Variants in RAD51B observed in about 807,000 individuals in gnomAD.
The protein encoded by RAD51B is DNA repair protein RAD51 homolog 2.
A neutral mutation model predicts 42.2 loss-of-function variants in RAD51B; 38 were observed. The observed-to-expected ratio is 0.90, with a 90% CI of 0.70 to 1.18. The LOEUF (loss-of-function observed/expected upper bound fraction) is 1.18. Among genes scored for constraint, RAD51B ranks in the 50% most tolerant of loss-of-function variants. The pLI, the probability that RAD51B is intolerant of heterozygous loss-of-function variation, is 0.00. For synonymous variants in RAD51B, 154 were observed against 145.2 expected (o/e 1.06, Z -0.43); for missense variants, 373 against 400.7 (o/e 0.93, Z 0.59).
chr14:68,172,519 T>C (rs905071566), intron 7 of RAD51B, among the ~76,000 whole-genome samples: 3 of 152,188 alleles, frequency 2.0e-5, no homozygotes, highest in Non-Finnish European at 2.9e-5. Context: ...CTTGCCAAAC[T>C]CCTCCATAAA....
chr14:68,492,412 A>G (rs1566912204), intron 10 of RAD51B, among the ~76,000 whole-genome samples: 1 of 152,206 alleles, frequency 6.6e-6, no homozygotes, highest in African/African-American at 2.4e-5. Context: ...GAGCAGTGTC[A>G]GGTATATTAA....
intron 10 of RAD51B, among the ~76,000 whole-genome samples, chr14:68,507,538 C>A (rs561704952): frequency 2.1e-4 from 32 of 152,250 alleles, no homozygotes; most frequent in African/African-American, 6.3e-4. Flanking sequence ...TGATCACACA[C>A]CTGTAAGCGA....
At chr14:68,497,715 A>G (rs1884634052) in intron 10 of RAD51B, 1 of 250,118 alleles carries the variant, frequency 4.0e-6, no homozygotes, top group Non-Finnish European at 7.4e-6. Context: ...CTGGAAACCC[A>G]CCAATCTACT....
chr14:67,839,050 CATGAT>C (rs925326075), intron 4 of RAD51B, among the ~76,000 whole-genome samples: 1 of 152,030 alleles, frequency 6.6e-6, no homozygotes, highest in African/African-American at 2.4e-5. Flanking sequence ...TCAACTTGGT[CATGAT>C]ATATTATCTT....
chr14:68,641,302 C>T (rs1273152200), intron 10 of RAD51B, among the ~76,000 whole-genome samples: 1 of 152,144 alleles, frequency 6.6e-6, no homozygotes, highest in Admixed American at 6.5e-5. Flanking sequence ...TTTGTACTAA[C>T]TTTGTATCCT....
rs116600354 is a variant in RAD51B, at chr14:68,047,977, G to A, written c.756+160773G>A. Among the ~76,000 whole-genome samples, 786 of 152,182 alleles carry A rather than the reference G, an allele frequency of 5.2e-3. 7 individuals carry two copies. The highest frequency in any genetic ancestry group is 0.018 in the African/African-American group (732 of 41,512). Reference sequence around the variant, plus strand: ...AGTGTGTCAACAAGTTCTAAATTGTGGAAAAGTCTTATCAGAAGAAAGGCT... The same window carrying A: ...AGTGTGTCAACAAGTTCTAAATTGTAGAAAAGTCTTATCAGAAGAAAGGCT... On this transcript the variant is annotated intron_variant, in intron 7 of 10. Transcript: ENST00000471583.
intron 10 of RAD51B, among the ~76,000 whole-genome samples, chr14:68,650,274 G>A (rs536323364): frequency 6.6e-6 from 1 of 152,274 alleles, no homozygotes; most frequent in East Asian, 1.9e-4. Flanking sequence ...TCACAACCCA[G>A]TGACTGACTT....
intron 9 of RAD51B, among the ~76,000 whole-genome samples, chr14:68,422,916 G>C (rs1186460778): frequency 6.6e-6 from 1 of 152,054 alleles, no homozygotes; most frequent in African/African-American, 2.4e-5. Context: ...TCAGCCAGTG[G>C]CTCCTGGCAA....
At chr14:68,650,982 T>C in intron 11 of RAD51B, 1 of 584,572 alleles carries the variant, frequency 1.7e-6, no homozygotes, top group Non-Finnish European at 3.1e-6. Context: ...GAGATACAAA[T>C]GGCCACACAT....
chr14:67,882,190 C>G (rs1266431243), intron 5 of RAD51B, among the ~76,000 whole-genome samples: 1 of 152,090 alleles, frequency 6.6e-6, no homozygotes, highest in Non-Finnish European at 1.5e-5. Flanking sequence ...CCTGGTTGGT[C>G]TTAAACTTCT....
chr14:68,682,681 C>A (rs1893455861), intron 11 of RAD51B, among the ~76,000 whole-genome samples: 1 of 152,074 alleles, frequency 6.6e-6, no homozygotes, highest in African/African-American at 2.4e-5. Context: ...TCCTGCTCCC[C>A]TTCCCCCGCC....
chr14:67,857,639 A>G (rs1163905856), intron 4 of RAD51B, among the ~76,000 whole-genome samples: 1 of 152,244 alleles, frequency 6.6e-6, no homozygotes, highest in Non-Finnish European at 1.5e-5. Flanking sequence ...ATCTGAGAAC[A>G]TATCCAAAAC....
chr14:67,902,076 G>A lies in RAD51B; in HGVS notation c.756+14872G>A, dbSNP rs145608043. Among the ~76,000 whole-genome samples the A allele has an allele frequency of 8.3e-3, 1,258 of 152,092 alleles. 16 individuals are homozygous for A. The highest frequency in any genetic ancestry group is 0.028 in the African/African-American group (1,180 of 41,482). On this transcript the variant is annotated intron_variant, in intron 7 of 10. Transcript: ENST00000471583. ...TGAAATGAAAAATGAAAGAAAATAG[G>A]AGTTTAAGTACCATATGTGTTACAA... is the stretch of plus-strand genomic sequence containing the variant.
chr14:68,017,132 AC>A (rs1404985866), intron 7 of RAD51B, among the ~76,000 whole-genome samples: 1 of 152,128 alleles, frequency 6.6e-6, no homozygotes, highest in African/African-American at 2.4e-5. Flanking sequence ...TTGTCACAAA[AC>A]CAAATTCTAA....
intron 9 of RAD51B, among the ~76,000 whole-genome samples, chr14:68,416,139 C>T (rs976649505): frequency 6.6e-6 from 1 of 152,156 alleles, no homozygotes; most frequent in Non-Finnish European, 1.5e-5. Flanking sequence ...AATCTGTAGG[C>T]TTTTCTCAAA....
At chr14:68,440,700 C>T (rs943969700) in intron 9 of RAD51B, among the ~76,000 whole-genome samples, 23 of 151,648 alleles carry the variant, frequency 1.5e-4, no homozygotes, top group African/African-American at 3.2e-4. Flanking sequence ...GAGGCAAGAT[C>T]GTGCCATTGC....
At chr14:68,303,595 C>A (rs1182283892) in intron 8 of RAD51B, among the ~76,000 whole-genome samples, 1 of 152,080 alleles carries the variant, frequency 6.6e-6, no homozygotes, top group Non-Finnish European at 1.5e-5. Context: ...ATTTTGATCT[C>A]TTTGAGGCAA....
At chr14:67,887,271 A>G (rs1170759508) in intron 7 of RAD51B, 67 bp downstream of exon 7, 1 of 1,300,496 alleles carries the variant, frequency 7.7e-7, no homozygotes, top group Non-Finnish European at 1.1e-6. Flanking sequence ...ACATTCACTG[A>G]CTTATGGTAT....
At chr14:68,405,997 T>C (rs955645404) in intron 8 of RAD51B, among the ~76,000 whole-genome samples, 1 of 152,174 alleles carries the variant, frequency 6.6e-6, no homozygotes, top group Non-Finnish European at 1.5e-5. Flanking sequence ...TGTAAACCTG[T>C]TAATTTTAGC....
Sources: gnomAD v4.1 joint callset for allele counts (sites outside exome capture counted in the v4.1 genomes callset) on GRCh38, gnomAD v4.1.1 for gene constraint, MANE v1.5 for transcripts, NCBI Gene and HGNC (gene_info 2026-07-23, HGNC 2026-07-21) for gene names.